The following LHFPL2 variants were observed in gnomAD, a reference collection of about 807,000 sequenced individuals.
LHFPL2 encodes the protein LHFPL tetraspan subfamily member 2.
LHFPL2 carries 7 observed loss-of-function variants against 17.5 expected under a neutral mutation model. The ratio of observed to expected loss-of-function variants is 0.40; its 90% confidence interval spans 0.23 to 0.75. The LOEUF is 0.75. LHFPL2 is among the 30% of genes least tolerant of loss of function. The pLI is 0.37. For synonymous variants in LHFPL2, 134 were observed against 116.2 expected, an observed-to-expected ratio of 1.15 and a Z score of -0.99; for missense variants, 241 against 294.8, an observed-to-expected ratio of 0.82 and a Z score of 1.34.
rs1754297801 is a variant in LHFPL2, at chr5:78,487,810, T to TTATC, written c.*1083_*1086dup. On this transcript the variant is annotated 3_prime_UTR_variant, in exon 5 of 5. Transcript: ENST00000380345. ...GTTCTTCAGTTGCAGCAATTTAATG[T>TTATC]TATCTCAGTCTGCTTTCAGGATCAA... The TTATC allele has an allele frequency of 6.6e-6, 1 of 152,196 alleles. No individual in the cohort carries two copies. Among genetic ancestry groups the TTATC allele is most frequent in the South Asian group, 2.1e-4 (1 of 4,830 alleles). 9.4% of individuals were successfully genotyped at this position (152,196 alleles called of 1,614,324 possible). A position where few individuals can be genotyped will look rare whatever the true frequency, so the allele number is the denominator to read the frequency against.
At chr5:78,546,312 T>A (rs999772362) in intron 3 of LHFPL2, among the ~76,000 whole-genome samples, 3 of 152,192 alleles carry the variant, frequency 2.0e-5, no homozygotes, top group African/African-American at 7.2e-5. Flanking sequence ...GAAAGACACT[T>A]TTCAAAGTAG....
intron 4 of LHFPL2, among the ~76,000 whole-genome samples, 174 bp from the exon 5 acceptor site, chr5:78,489,327 T>TCAC (rs1754360901): frequency 1.3e-5 from 2 of 152,352 alleles, no homozygotes; most frequent in South Asian, 4.1e-4. Context: ...AGTATCACAT[T>TCAC]ATTAGAAATA....
intron 4 of LHFPL2, among the ~76,000 whole-genome samples, chr5:78,496,144 G>A (rs1754600514): frequency 6.6e-6 from 1 of 152,192 alleles, no homozygotes. Flanking sequence ...TGTTTACTGA[G>A]GGCATTACTC....
At chr5:78,580,916 G>C (rs575608303) in intron 2 of LHFPL2, among the ~76,000 whole-genome samples, 10 of 152,248 alleles carry the variant, frequency 6.6e-5, no homozygotes, top group African/African-American at 2.4e-4. Flanking sequence ...GGATGGCATT[G>C]AATCTACAAA....
intron 1 of LHFPL2, among the ~76,000 whole-genome samples, chr5:78,643,255 AT>A (rs764317705): frequency 6.6e-6 from 1 of 152,136 alleles, no homozygotes; most frequent in Non-Finnish European, 1.5e-5. Flanking sequence ...TATTATTGCA[AT>A]TTTTAAAGTA....
chr5:78,632,577 T>C (rs948893115), intron 1 of LHFPL2, among the ~76,000 whole-genome samples: 2 of 152,140 alleles, frequency 1.3e-5, no homozygotes, highest in African/African-American at 4.8e-5. Context: ...TGCAGCCAGG[T>C]AGCTAACCTA....
At chr5:78,635,390 C>T (rs1217244087) in intron 1 of LHFPL2, among the ~76,000 whole-genome samples, 4 of 152,218 alleles carry the variant, frequency 2.6e-5, no homozygotes, top group African/African-American at 9.6e-5. Flanking sequence ...CCCCCTCTTC[C>T]CCCAGGGAAA....
intron 2 of LHFPL2, among the ~76,000 whole-genome samples, chr5:78,574,099 C>T (rs1055075509): frequency 3.9e-5 from 6 of 152,134 alleles, no homozygotes; most frequent in African/African-American, 1.2e-4. Flanking sequence ...GAGGAGAGTA[C>T]GCTCACGATG....
At chr5:78,644,695 A>G (rs1745800613) in intron 1 of LHFPL2, 1 of 293,210 alleles carries the variant, frequency 3.4e-6, no homozygotes, top group South Asian at 4.4e-5. Context: ...TTTAGCAGAC[A>G]TGGTCTTGCA....
chr5:78,524,344 G>T (rs1412538958), intron 3 of LHFPL2, among the ~76,000 whole-genome samples: 1 of 152,180 alleles, frequency 6.6e-6, no homozygotes, highest in African/African-American at 2.4e-5. Context: ...GAGAATTTAT[G>T]TGTATACAGC....
At chr5:78,633,682 G>A (rs920154666) in intron 1 of LHFPL2, among the ~76,000 whole-genome samples, 3 of 152,144 alleles carry the variant, frequency 2.0e-5, no homozygotes, top group African/African-American at 4.8e-5. Flanking sequence ...TGGTTTTTAC[G>A]CATGGCACCA....
At chr5:78,601,425 C>T (rs1049035648) in intron 2 of LHFPL2, among the ~76,000 whole-genome samples, 2 of 152,170 alleles carry the variant, frequency 1.3e-5, no homozygotes, top group African/African-American at 4.8e-5. Flanking sequence ...GAAGTTCTCA[C>T]TAGCAATGTG....
intron 4 of LHFPL2, among the ~76,000 whole-genome samples, chr5:78,495,845 T>C (rs1473055925): frequency 6.6e-6 from 1 of 152,198 alleles, no homozygotes; most frequent in Non-Finnish European, 1.5e-5. Flanking sequence ...TGGATGGCCA[T>C]GGCTGGGTTA....
intron 4 of LHFPL2, among the ~76,000 whole-genome samples, chr5:78,496,288 G>A (rs186278668): frequency 3.5e-4 from 54 of 152,186 alleles, no homozygotes; most frequent in African/African-American, 8.4e-4. Context: ...GAATCGATAC[G>A]AATTCTAATG....
chr5:78,510,160 A>C lies in LHFPL2; in HGVS notation c.54T>G (p.Ile18Met). 6.2e-7 allele frequency: 1 copy of C among 1,611,810 alleles called. No individual in the cohort carries two copies. Among genetic ancestry groups the C allele is most frequent in the Non-Finnish European group, 8.5e-7 (1 of 1,178,588 alleles). Residue 18 changes from isoleucine to methionine, a missense_variant, in exon 4 of 5, where the codon ATT (isoleucine) becomes ATG (methionine). Coordinates refer to ENST00000380345, the MANE Select transcript of LHFPL2 (RefSeq NM_005779.3). ...CRSMLWTLLS[I>M]VVAFAELIAF... is the part of the protein sequence containing the mutation. Reference sequence around the variant, plus strand: ...CAATGAGCTCGGCAAAAGCCACCACAATACTCAGCAAGGTCCAGAGCATCG... The same window carrying C: ...CAATGAGCTCGGCAAAAGCCACCACCATACTCAGCAAGGTCCAGAGCATCG...
chr5:78,595,602 C>T (rs1743795360), intron 2 of LHFPL2, among the ~76,000 whole-genome samples: 1 of 152,178 alleles, frequency 6.6e-6, no homozygotes, highest in South Asian at 2.1e-4. Context: ...GCCTTGAACT[C>T]CTGGGGTCAA....
intron 2 of LHFPL2, among the ~76,000 whole-genome samples, chr5:78,611,022 T>C (rs1250958962): frequency 6.6e-6 from 1 of 152,134 alleles, no homozygotes. Context: ...CACTGCTTTG[T>C]TACTGAGAAG....
At chr5:78,507,915 CAA>C (rs1168296788) in intron 4 of LHFPL2, among the ~76,000 whole-genome samples, 1 of 148,880 alleles carries the variant, frequency 6.7e-6, no homozygotes, top group Non-Finnish European at 1.5e-5. Flanking sequence ...TACTTCCCTG[CAA>C]AAGTTTTAAG....
At chr5:78,570,241 G>A (rs561017786) in intron 2 of LHFPL2, among the ~76,000 whole-genome samples, 1 of 152,188 alleles carries the variant, frequency 6.6e-6, no homozygotes, top group African/African-American at 2.4e-5. Context: ...ATTCCCTACA[G>A]ATAGTAGTTA....
Sources: gnomAD v4.1 joint callset for allele counts (sites outside exome capture counted in the v4.1 genomes callset) on GRCh38, gnomAD v4.1.1 for gene constraint, MANE v1.5 for transcripts, NCBI Gene and HGNC (gene_info 2026-07-23, HGNC 2026-07-21) for gene names.